DIXDC1: variants seen among roughly 807,000 people sequenced by gnomAD.
DIXDC1 encodes dixin.
In DIXDC1, 64 loss-of-function variants were observed where a neutral mutation model predicts 103.1. The ratio of observed to expected loss-of-function variants is 0.62; its 90% CI spans 0.51 to 0.76. The LOEUF (loss-of-function observed/expected upper bound fraction) is 0.76. DIXDC1 is among the 30% of genes least tolerant of loss of function. The pLI is 0.00. For synonymous variants in DIXDC1, 266 were observed against 298.5 expected (o/e 0.89, Z 1.12); for missense variants, 759 against 834.2 (o/e 0.91, Z 1.11).
rs1388649793 is a variant in DIXDC1, at chr11:111,998,903, C to A, written c.1756+2757C>A. 7.2e-5 allele frequency among the ~76,000 whole-genome samples: 11 copies of A among 152,146 alleles called. No individual in the cohort carries two copies. The highest frequency in any genetic ancestry group is 2.7e-4 in the African/African-American group (11 of 41,424). ...GTCCCAAGGCACTGTAAAGTCATGTCCAAAACTGGACACAAAACAATAGAG... is the reference window on the plus strand; with the variant it reads ...GTCCCAAGGCACTGTAAAGTCATGTACAAAACTGGACACAAAACAATAGAG... On this transcript the variant is annotated intron_variant, in intron 17 of 19. Coordinates refer to ENST00000440460, the MANE Select transcript of DIXDC1 (RefSeq NM_001037954.4). The surrounding 1 kb of genome is among the most constrained non-coding windows in gnomAD (Gnocchi z 4.1).
chr11:111,961,013 A>G (rs1032557681), intron 1 of DIXDC1, among the ~76,000 whole-genome samples: 10 of 152,208 alleles, frequency 6.6e-5, no homozygotes, highest in African/African-American at 2.4e-4. Flanking sequence ...GCAGCCAGGT[A>G]TGGCAACAGC....
At chr11:111,955,553 G>C (rs1475489247) in intron 1 of DIXDC1, among the ~76,000 whole-genome samples, 2 of 151,868 alleles carry the variant, frequency 1.3e-5, no homozygotes, top group African/African-American at 4.8e-5. Context: ...TCAAGATCTT[G>C]GCCCGGTGCG....
At chr11:112,015,593 G>C (rs1287903191) in intron 17 of DIXDC1, 1 of 152,040 alleles carries the variant, frequency 6.6e-6, no homozygotes, top group Non-Finnish European at 1.5e-5. Context: ...CTTGAGGCAG[G>C]GAGTTCAAGA....
At position 112,014,794 on chromosome 11, in the gene DIXDC1, A is replaced by G. The variant is rs144826212; in HGVS notation, c.1757-1897A>G. ...TATAGCTTTAATGTTAAAAGTGAGT[A>G]TTTTATTTATTCAACAACCACTGTG... is the stretch of plus-strand genomic sequence containing the variant. On this transcript the variant is annotated intron_variant, in intron 17 of 19. Transcript: ENST00000440460. Among the ~76,000 whole-genome samples, 1,367 of 152,302 alleles carry G rather than the reference A, an allele frequency of 9.0e-3. 11 individuals are homozygous for G. Among genetic ancestry groups the G allele is most frequent in the African/African-American group, 0.03 (1,253 of 41,560 alleles).
intron 12 of DIXDC1, among the ~76,000 whole-genome samples, chr11:111,993,260 T>C (rs1267695639): frequency 6.6e-6 from 1 of 152,222 alleles, no homozygotes; most frequent in Non-Finnish European, 1.5e-5. Flanking sequence ...CTCTGACTAG[T>C]ATGAATGGCT....
intron 5 of DIXDC1, among the ~76,000 whole-genome samples, chr11:111,978,218 G>A (rs1489862675): frequency 6.6e-6 from 1 of 152,196 alleles, no homozygotes; most frequent in African/African-American, 2.4e-5. Context: ...CCTCAGAGAG[G>A]ATTATGATGC....
chr11:111,940,455 T>G (rs1236878361), intron 1 of DIXDC1, among the ~76,000 whole-genome samples: 3 of 152,190 alleles, frequency 2.0e-5, no homozygotes, highest in African/African-American at 7.2e-5. Flanking sequence ...CAAAGCTATT[T>G]GTTTTCTCTG....
rs1398590900 is a variant in DIXDC1 at position 111,977,619 on chromosome 11, C to A, written c.656+2636C>A. 7 of 1,528,598 alleles carry A rather than the reference C, an allele frequency of 4.6e-6. No homozygotes were observed. Among genetic ancestry groups the A allele is most frequent in the Non-Finnish European group, 6.2e-6 (7 of 1,137,336 alleles). 94.7% of individuals were successfully genotyped at this position (1,528,598 alleles called of 1,614,324 possible). A position where few individuals can be genotyped will look rare whatever the true frequency, so the allele number is the denominator to read the frequency against. On this transcript the variant is annotated intron_variant, in intron 5 of 19. Transcript: ENST00000440460. The surrounding 1 kb of genome is among the most constrained non-coding windows in gnomAD (Gnocchi z 6.1). ...GCCGTTCCCGCTTTCTCCCGCGAGCCGGGCCAGTAGCTTTGCTAGCTGGCC... is the reference window on the plus strand; with the variant it reads ...GCCGTTCCCGCTTTCTCCCGCGAGCAGGGCCAGTAGCTTTGCTAGCTGGCC...
intron 17 of DIXDC1, among the ~76,000 whole-genome samples, chr11:112,007,943 A>G (rs1486308051): frequency 2.0e-5 from 3 of 152,178 alleles, no homozygotes; most frequent in African/African-American, 2.4e-5. Context: ...GACAGGATCA[A>G]ATTCACACAT....
Position 111,977,192 on chromosome 11 carries a change from A to G in DIXDC1, c.656+2209A>G. 1 of 564,844 alleles carries G rather than the reference A, an allele frequency of 1.8e-6. No individual in the cohort carries two copies. Among genetic ancestry groups the G allele is most frequent in the Non-Finnish European group, 2.2e-6 (1 of 451,038 alleles). 35.0% of individuals were successfully genotyped at this position (564,844 alleles called of 1,614,324 possible). On this transcript the variant is annotated intron_variant, in intron 5 of 19. Coordinates refer to ENST00000440460, the MANE Select transcript of DIXDC1 (RefSeq NM_001037954.4). The surrounding 1 kb of genome is among the most constrained non-coding windows in gnomAD (Gnocchi z 6.1). ...CCGCCCAGCCCCGCCCCTGGCCCGC[A>G]CCCTCAACCTCCGTCCAGAGCGGTC...
rs1389169599 is a variant in DIXDC1 at position 111,989,792 on chromosome 11, CT to C, written c.1113+751del. 2.7e-3 allele frequency among the ~76,000 whole-genome samples: 384 copies of C among 142,814 alleles called. 1 individual carries two copies. Among genetic ancestry groups the C allele is most frequent in the Middle Eastern group, 7.3e-3 (2 of 274 alleles). 93.7% of individuals were successfully genotyped at this position (142,814 alleles called of 152,430 possible). ...ATCTAGTTCTCTTTCCTAGAGGCAT[CT>C]TTTTTTTTTTTTTGAAACGGAGTCT... On this transcript the variant is annotated intron_variant, in intron 10 of 19. Coordinates refer to ENST00000440460, the MANE Select transcript of DIXDC1 (RefSeq NM_001037954.4).
intron 2 of DIXDC1, among the ~76,000 whole-genome samples, chr11:111,931,224 A>G (rs1966004601): frequency 6.6e-6 from 1 of 152,008 alleles, no homozygotes; most frequent in African/African-American, 2.4e-5. Context: ...AGTCCCAACT[A>G]CTCAGGAGGC....
chr11:112,003,940 A>T (rs1162711972), intron 17 of DIXDC1, among the ~76,000 whole-genome samples: 1 of 150,910 alleles, frequency 6.6e-6, no homozygotes, highest in Non-Finnish European at 1.5e-5. Flanking sequence ...ACTACTTGGG[A>T]GGCTGATGTG....
chr11:111,968,773 T>C, intron 3 of DIXDC1, 135 bp downstream of exon 3: 1 of 1,131,000 alleles, frequency 8.8e-7, no homozygotes, highest in Non-Finnish European at 1.2e-6. Context: ...TATTTTTTAT[T>C]TCATGATTAT....
In DIXDC1 at chr11:111,974,278, G is replaced by A. The variant is rs782037287; in HGVS notation, c.548+24G>A. On this transcript the variant is annotated intron_variant, in intron 4 of 19. Coordinates refer to ENST00000440460, the MANE Select transcript of DIXDC1 (RefSeq NM_001037954.4). ...AGGTAAGGGTAGAAATCTGGGGGTG[G>A]GAACTGATCCCTCTCTCTGATACTT... 5.0e-6 allele frequency: 8 copies of A among 1,593,650 alleles called. No individual in the cohort carries two copies. In the African/African-American group the frequency reaches 9.4e-5, roughly 19 times the overall value.
chr11:111,989,888 ATGCCATTCTCC>A (rs1312001119), intron 10 of DIXDC1, among the ~76,000 whole-genome samples: 1 of 148,904 alleles, frequency 6.7e-6, no homozygotes, highest in African/African-American at 2.5e-5. Context: ...TCCTGGGTTC[ATGCCATTCTCC>A]TGCCTCAGCC....
chr11:112,006,050 CTG>C (rs1555176598), intron 17 of DIXDC1, among the ~76,000 whole-genome samples: 1 of 152,196 alleles, frequency 6.6e-6, no homozygotes, highest in Non-Finnish European at 1.5e-5. Context: ...CCCTGACAGA[CTG>C]TACCTGGAAA....
intron 17 of DIXDC1, among the ~76,000 whole-genome samples, chr11:112,003,313 G>A (rs587628305): frequency 2.0e-5 from 3 of 152,010 alleles, no homozygotes; most frequent in South Asian, 4.2e-4. Context: ...AAAAATTAGC[G>A]GGCGGGTGGC....
In DIXDC1 at chr11:112,016,777, A is replaced by G. The variant is rs782281922; in HGVS notation, c.1843A>G (p.Met615Val). The stretch of plus-strand genomic sequence containing the variant: ...CACTGACCGGTCACTTACGCCCTTC[A>G]TGGTCAATATACCAAAGAGGTGAGA... ...YFTDRSLTPFMVNIPKRLEEV... is the reference protein window; with the variant it reads ...YFTDRSLTPFVVNIPKRLEEV... The change falls in exon 18 of 20, where the codon ATG (methionine) becomes GTG (valine). Residue 615 changes from methionine to valine, a missense_variant. Transcript: ENST00000440460. The G allele has an allele frequency of 2.5e-6, 4 of 1,606,920 alleles. No homozygotes were observed. The highest frequency in any genetic ancestry group is 3.4e-6 in the Non-Finnish European group (4 of 1,176,054).
Sources: gnomAD v4.1 joint callset for allele counts (sites outside exome capture counted in the v4.1 genomes callset) on GRCh38, gnomAD v4.1.1 for gene constraint, Gnocchi (gnomAD v3.1) non-coding constraint, MANE v1.5 for transcripts, NCBI Gene and HGNC (gene_info 2026-07-23, HGNC 2026-07-21) for gene names.